Variants in SGO1 observed in about 807,000 individuals in gnomAD.
The protein encoded by SGO1 is shugoshin 1.
SGO1 carries 39 observed loss-of-function variants against 50.5 expected under a neutral mutation model. The ratio of observed to expected loss-of-function variants is 0.77; its 90% CI spans 0.60 to 1.01. The LOEUF is 1.01. SGO1 is among the 50% of genes least tolerant of loss of function. SGO1 has a pLI of 0.00. For missense variants in SGO1, 638 were observed against 606.0 expected (o/e 1.05, Z -0.55); for synonymous variants, 191 against 205.1 (o/e 0.93, Z 0.59).
rs1701166381 is a variant in SGO1 at position 20,174,652 on chromosome 3, T to C, written c.879A>G (p.Glu293=). 2.5e-6 allele frequency: 4 copies of C among 1,603,610 alleles called. No individual in the cohort carries two copies. Among genetic ancestry groups the C allele is most frequent in the Non-Finnish European group, 3.4e-6 (4 of 1,175,602 alleles). Residue 293 remains glutamate, a synonymous_variant, in exon 6 of 8, where the codon GAA becomes GAG. Transcript: ENST00000412997. The part of the protein sequence containing the change: ...KQRDTQERKR[E]EKRKANRRKS... ...TTCTCCTGTTAGCTTTTCTTTTCTC[T>C]TCTCTTTTTCTTTCTTGTGTATCTC... is the stretch of plus-strand genomic sequence containing the variant.
Position 20,174,909 on chromosome 3 carries a change from A to G in SGO1, c.622T>C (p.Leu208=), listed in dbSNP as rs1475941749. ...AAATGACTGGTTTCAAAATCATCCA[A>G]GCTATCAAACTGACATATACTGTTA... ...HCNSICQFDS[L]DDFETSHLAG... The change falls in exon 6 of 8, where the codon TTG becomes CTG. Residue 208 remains leucine, a synonymous_variant. Coordinates refer to ENST00000412997, the MANE Select transcript of SGO1 (RefSeq NM_001199251.3). The G allele has an allele frequency of 6.2e-7, 1 of 1,614,084 alleles. No homozygotes were observed. Among genetic ancestry groups the G allele is most frequent in the South Asian group, 1.1e-5 (1 of 91,078 alleles).
In SGO1 at chr3:20,176,584, A is replaced by AT; in HGVS notation, c.475+16dup. 2.0e-6 allele frequency: 3 copies of AT among 1,509,580 alleles called. No individual in the cohort carries two copies. The highest frequency in any genetic ancestry group is 1.4e-5 in the African/African-American group (1 of 71,202). The allele number at this position is 1,509,580 out of a possible 1,614,324, so 93.5% of individuals were successfully genotyped here. On this transcript the variant is annotated intron_variant, in intron 5 of 7. Coordinates refer to ENST00000412997, the MANE Select transcript of SGO1 (RefSeq NM_001199251.3). ...ATTTTGCCCTTAATAATATTTTTAGATTTTCACTTGAATTACCTTCTATTT... is the reference window on the plus strand; with the variant it reads ...ATTTTGCCCTTAATAATATTTTTAGATTTTTCACTTGAATTACCTTCTATTT...
downstream of SGO1, chr3:20,169,267 TG>T (rs754483436): frequency 8.3e-5 from 82 of 985,128 alleles, no homozygotes; most frequent in Non-Finnish European, 9.4e-5. Flanking sequence ...AGAGATAAGT[TG>T]GGAGAGAGAA....
At chr3:20,161,020 T>G in exon 9 of SGO1, 2 of 1,584,706 alleles carry the variant, frequency 1.3e-6, no homozygotes, top group Non-Finnish European at 8.6e-7. Context: ...CCCCAACACA[T>G]AAAGCTAGAA....
chr3:20,165,378 G>T (rs1051992726), downstream of SGO1, among the ~76,000 whole-genome samples: 1 of 152,278 alleles, frequency 6.6e-6, no homozygotes, highest in Non-Finnish European at 1.5e-5. Context: ...CTGGGGATCA[G>T]ATTTCAACAT....
intron 3 of SGO1, among the ~76,000 whole-genome samples, chr3:20,181,194 G>A (rs960721106): frequency 1.3e-5 from 2 of 152,226 alleles, no homozygotes; most frequent in African/African-American, 4.8e-5. Flanking sequence ...CTTTAAATTT[G>A]ACATGAATAT....
chr3:20,184,148 A>G, intron 1 of SGO1, 114 bp from the exon 2 acceptor site: 1 of 732,460 alleles, frequency 1.4e-6, no homozygotes, highest in Non-Finnish European at 2.0e-6. Context: ...GAATTAGCTC[A>G]AAGTAGATAG....
Position 20,174,975 on chromosome 3 carries a change from G to C in SGO1, c.556C>G (p.Pro186Ala), listed in dbSNP as rs752786232. The C allele has an allele frequency of 1.2e-6, 2 of 1,612,124 alleles. No individual in the cohort carries two copies. Among genetic ancestry groups the C allele is most frequent in the Non-Finnish European group, 1.7e-6 (2 of 1,179,002 alleles). ...CTGCTACGAACAGATACAGTTCTAG[G>C]TAAGACATTATCAGTAGACTTAGCT... is the stretch of plus-strand genomic sequence containing the variant. ...GEAKSTDNVL[P>A]RTVSVRSSLK... The change falls in exon 6 of 8, where the codon CCT becomes GCT. Residue 186 changes from proline to alanine, a missense_variant. Pro to Ala is a conservative substitution (Grantham distance 27). Transcript: ENST00000412997.
downstream of SGO1, among the ~76,000 whole-genome samples, chr3:20,166,476 C>G (rs1700307955): frequency 1.3e-5 from 2 of 152,024 alleles, no homozygotes; most frequent in East Asian, 3.9e-4. Flanking sequence ...CTAAGCCAGA[C>G]ACAAAGGACA....
chr3:20,174,465 A>C lies in SGO1; in HGVS notation c.1066T>G (p.Ser356Ala). ...GACTCGTTGTTTTCTTCTCTATTAG[A>C]GTCATTGCTCACTTTTTGTCGGAAA... The part of the protein sequence containing the change: ...TPFRQKVSND[S>A]NREENNESEV... The change falls in exon 6 of 8, where the codon TCT becomes GCT. Residue 356 changes from serine to alanine, a missense_variant. Transcript: ENST00000412997. The C allele has an allele frequency of 1.2e-6, 2 of 1,614,118 alleles. No homozygotes were observed. The highest frequency in any genetic ancestry group is 1.7e-6 in the Non-Finnish European group (2 of 1,180,030).
downstream of SGO1, among the ~76,000 whole-genome samples, chr3:20,167,659 A>G (rs1700372484): frequency 6.6e-6 from 1 of 152,214 alleles, no homozygotes; most frequent in African/African-American, 2.4e-5. Flanking sequence ...ATGTCTAATA[A>G]AACTAAGTGA....
At chr3:20,185,063 T>C (rs1702477278) in intron 1 of SGO1, among the ~76,000 whole-genome samples, 1 of 152,248 alleles carries the variant, frequency 6.6e-6, no homozygotes, top group South Asian at 2.1e-4. Context: ...CAGGCCTTAT[T>C]TTCCTCTATG....
rs890020295 is a variant in SGO1, at chr3:20,169,939, T to A, written c.*765A>T. The A allele has an allele frequency of 2.0e-6, 2 of 983,204 alleles. No individual in the cohort carries two copies. The highest frequency in any genetic ancestry group is 3.5e-5 in the African/African-American group (2 of 57,182). The allele number at this position is 983,204 out of a possible 1,614,324, so 60.9% of individuals were successfully genotyped here. On this transcript the variant is annotated 3_prime_UTR_variant, in exon 8 of 8. Transcript: ENST00000412997. The stretch of plus-strand genomic sequence containing the variant: ...GAATACTACACAGAGTTTCAAAAGA[T>A]CCACAATAATTTATTTTACTCAAAT...
rs9868701 is a variant in SGO1, at chr3:20,174,566, T to G, written c.965A>C (p.Gln322Pro). 3.4e-3 allele frequency: 5,489 copies of G among 1,605,192 alleles called. 106 individuals carry two copies. The African/African-American group carries it at 0.048, about 14-fold the overall frequency. Residue 322 changes from glutamine (Q) to proline (P), a missense_variant, in exon 6 of 8, where the codon CAA (glutamine) becomes CCA (proline). Coordinates refer to ENST00000412997, the MANE Select transcript of SGO1 (RefSeq NM_001199251.3). The part of the protein sequence containing the change: ...NKSENKKTVP[Q>P]KKMHKSVSSN... ...ACTGACAGATTTGTGCATTTTTTTT[T>G]GGGGAACAGTTTTTTTATTTTCGCT...
At chr3:20,182,843 C>T (rs1702179470) in intron 3 of SGO1, among the ~76,000 whole-genome samples, 1 of 151,930 alleles carries the variant, frequency 6.6e-6, no homozygotes. Flanking sequence ...ACGGTGAAAC[C>T]CCGTCTCTAC....
chr3:20,182,835 G>A (rs187953448), intron 3 of SGO1, among the ~76,000 whole-genome samples: 137 of 152,068 alleles, frequency 9.0e-4, no homozygotes, highest in African/African-American at 2.7e-3. Context: ...TGGCTAACAC[G>A]GTGAAACCCC....
At chr3:20,179,082 C>T (rs1368667493) in intron 3 of SGO1, among the ~76,000 whole-genome samples, 1 of 152,004 alleles carries the variant, frequency 6.6e-6, no homozygotes. Context: ...GATGACAGGT[C>T]AAGCTCAAGG....
downstream of SGO1, among the ~76,000 whole-genome samples, chr3:20,165,170 A>T (rs749924748): frequency 1.3e-5 from 2 of 152,202 alleles, no homozygotes; most frequent in Non-Finnish European, 2.9e-5. Context: ...GGCAAAGGGG[A>T]GCTGGCATGT....
At chr3:20,182,586 C>T (rs1273155597) in intron 3 of SGO1, among the ~76,000 whole-genome samples, 1 of 152,166 alleles carries the variant, frequency 6.6e-6, no homozygotes, top group African/African-American at 2.4e-5. Flanking sequence ...ATACACATTA[C>T]TGTGTACAGT....
Sources: gnomAD v4.1 joint callset for allele counts (sites outside exome capture counted in the v4.1 genomes callset) on GRCh38, gnomAD v4.1.1 for gene constraint, MANE v1.5 for transcripts, NCBI Gene and HGNC (gene_info 2026-07-23, HGNC 2026-07-21) for gene names.